Variants in RYR2 observed in about 807,000 individuals in gnomAD.
The protein encoded by RYR2 is cardiac muscle ryanodine receptor-calcium release channel.
Under a neutral mutation model 601.1 loss-of-function variants are expected in RYR2, and 227 were observed. That is an observed-to-expected ratio of 0.38 (90% CI 0.34 to 0.42). RYR2 has a LOEUF of 0.42. Among genes scored for constraint, RYR2 ranks in the 10% least tolerant of loss-of-function variants. The pLI is 1.00. For missense variants in RYR2, 4,646 were observed against 6,156.5 expected, an observed-to-expected ratio of 0.75 and a Z score of 8.21; for synonymous variants, 2,223 against 2,175.1, an observed-to-expected ratio of 1.02 and a Z score of -0.61.
chr1:237,677,429 G>A (rs1446816954), intron 60 of RYR2, among the ~76,000 whole-genome samples: 1 of 152,088 alleles, frequency 6.6e-6, no homozygotes, highest in Non-Finnish European at 1.5e-5. Flanking sequence ...GGAAAACTTG[G>A]GTGTTTTTGC....
At chr1:237,824,741 C>T (rs1032358697) in intron 101 of RYR2, among the ~76,000 whole-genome samples, 1 of 151,912 alleles carries the variant, frequency 6.6e-6, no homozygotes, top group African/African-American at 2.4e-5. Flanking sequence ...GTCGAATTGT[C>T]TGCAGATGAC....
intron 12 of RYR2, 35 bp downstream of exon 12, chr1:237,423,283 G>A: frequency 6.3e-7 from 1 of 1,596,932 alleles, no homozygotes; most frequent in Non-Finnish European, 8.5e-7. Context: ...TCCTATAAAT[G>A]TTACCCGGTC....
chr1:237,590,377 T>C (rs922293385), intron 30 of RYR2, among the ~76,000 whole-genome samples: 25 of 152,134 alleles, frequency 1.6e-4, no homozygotes, highest in African/African-American at 5.6e-4. Flanking sequence ...AAAAATACTT[T>C]CCTTTTTATG....
chr1:237,608,606 G>C (rs1573088039), intron 35 of RYR2, among the ~76,000 whole-genome samples: 3 of 152,094 alleles, frequency 2.0e-5, no homozygotes, highest in Admixed American at 2.0e-4. Flanking sequence ...AGAGGCTGAG[G>C]TGGGAGGATC....
intron 11 of RYR2, among the ~76,000 whole-genome samples, chr1:237,420,429 C>T (rs1377070210): frequency 2.0e-5 from 3 of 152,156 alleles, no homozygotes; most frequent in Non-Finnish European, 4.4e-5. Context: ...ACGTAGGGCA[C>T]AGTTTTTTGA....
intron 58 of RYR2, among the ~76,000 whole-genome samples, chr1:237,670,025 G>A (rs1278466922): frequency 1.3e-5 from 2 of 152,090 alleles, no homozygotes; most frequent in Admixed American, 6.5e-5. Flanking sequence ...ACGAGACTCC[G>A]TCTGCAATCC....
intron 47 of RYR2, among the ~76,000 whole-genome samples, chr1:237,641,417 G>T (rs555691912): frequency 6.6e-6 from 1 of 152,120 alleles, no homozygotes; most frequent in Non-Finnish European, 1.5e-5. Context: ...GAGAGGGAAG[G>T]TATAGGGGGT....
In RYR2 at chr1:237,225,455, C is replaced by T. The variant is rs116131795; in HGVS notation, c.49-45042C>T. 3.4e-3 allele frequency among the ~76,000 whole-genome samples: 511 copies of T among 152,214 alleles called. 3 individuals are homozygous for T. Among genetic ancestry groups the T allele is most frequent in the African/African-American group, 8.8e-3 (367 of 41,526 alleles). On this transcript the variant is annotated intron_variant, in intron 1 of 104. Coordinates refer to ENST00000366574, the MANE Select transcript of RYR2 (RefSeq NM_001035.3). Reference sequence around the variant, plus strand: ...AATGAGGGTGAAGTGAAAGGGATTTCGCCTTATAAAACCTTCAGATCTTGT... The same window carrying T: ...AATGAGGGTGAAGTGAAAGGGATTTTGCCTTATAAAACCTTCAGATCTTGT...
chr1:237,583,624 T>A (rs1425434592), intron 29 of RYR2, among the ~76,000 whole-genome samples: 1 of 152,224 alleles, frequency 6.6e-6, no homozygotes, highest in Non-Finnish European at 1.5e-5. Flanking sequence ...CATTTTTATC[T>A]GCTTTTTGGC....
At chr1:237,194,374 T>A (rs141917966) in intron 1 of RYR2, among the ~76,000 whole-genome samples, 24 of 152,326 alleles carry the variant, frequency 1.6e-4, no homozygotes, top group African/African-American at 5.3e-4. Flanking sequence ...CACCGTACTA[T>A]ACATGAGTGA....
intron 1 of RYR2, among the ~76,000 whole-genome samples, chr1:237,068,074 G>T (rs1426142748): frequency 1.6e-5 from 2 of 123,044 alleles, no homozygotes; most frequent in Admixed American, 9.3e-5. Context: ...CCTATTTTTA[G>T]ACTCTTTCAC....
At chr1:237,151,412 T>G (rs1052188346) in intron 1 of RYR2, among the ~76,000 whole-genome samples, 1 of 152,208 alleles carries the variant, frequency 6.6e-6, no homozygotes, top group African/African-American at 2.4e-5. Flanking sequence ...AAGACACCCC[T>G]CAACATGTTC....
intron 7 of RYR2, among the ~76,000 whole-genome samples, chr1:237,375,610 G>A (rs900972522): frequency 3.9e-5 from 6 of 152,040 alleles, no homozygotes; most frequent in African/African-American, 1.4e-4. Flanking sequence ...ACAAAGCTAT[G>A]TTTACCAGCC....
intron 99 of RYR2, among the ~76,000 whole-genome samples, chr1:237,806,896 C>T (rs1258484425): frequency 6.6e-6 from 1 of 152,152 alleles, no homozygotes; most frequent in Non-Finnish European, 1.5e-5. Flanking sequence ...TTCCCATTAT[C>T]CTGAAGCATA....
chr1:237,406,185 C>CTCCTT (rs1703864637), intron 10 of RYR2, among the ~76,000 whole-genome samples: 2 of 69,100 alleles, frequency 2.9e-5, no homozygotes, highest in African/African-American at 7.6e-5. Flanking sequence ...CTCCCCTCCC[C>CTCCTT]TCCCCTTCCC....
chr1:237,205,269 T>A (rs899394358), intron 1 of RYR2, among the ~76,000 whole-genome samples: 1 of 152,014 alleles, frequency 6.6e-6, no homozygotes, highest in African/African-American at 2.4e-5. Flanking sequence ...GGGTTCCGAG[T>A]GCTGAGTTGT....
chr1:237,341,523 C>T lies in RYR2; in HGVS notation c.273+10541C>T, dbSNP rs547350772. ...ACACCTTCTGAAGACTATGTATTCGCGGTCTGTTTATTGCCTTCCTATCCC... is the reference window on the plus strand; with the variant it reads ...ACACCTTCTGAAGACTATGTATTCGTGGTCTGTTTATTGCCTTCCTATCCC... On this transcript the variant is annotated intron_variant, in intron 3 of 104. Coordinates refer to ENST00000366574, the MANE Select transcript of RYR2 (RefSeq NM_001035.3). 1.3e-4 allele frequency: 52 copies of T among 394,794 alleles called. 1 individual carries two copies. The highest frequency in any genetic ancestry group is 7.0e-4 in the South Asian group (38 of 54,670). 24.5% of individuals were successfully genotyped at this position (394,794 alleles called of 1,614,324 possible).
chr1:237,157,735 GT>G (rs1260312011), intron 1 of RYR2, among the ~76,000 whole-genome samples: 1 of 152,172 alleles, frequency 6.6e-6, no homozygotes, highest in Non-Finnish European at 1.5e-5. Flanking sequence ...GAATGGAAGC[GT>G]AGTGGGAAGG....
In RYR2 at chr1:237,625,821, TGCACTG is replaced by T; in HGVS notation, c.6166+21_6166+26del. 1 of 1,610,694 alleles carries T rather than the reference TGCACTG, an allele frequency of 6.2e-7. No individual in the cohort carries two copies. The highest frequency in any genetic ancestry group is 1.7e-4 in the Middle Eastern group (1 of 6,052). On this transcript the variant is annotated intron_variant, in intron 40 of 104. Coordinates refer to ENST00000366574, the MANE Select transcript of RYR2 (RefSeq NM_001035.3). Reference sequence around the variant, plus strand: ...AAAAGTCCTGTAAGCAGTATGAGAGTGCACTGGCAGAATGACCCAACTGCTGACACT... The same window carrying T: ...AAAAGTCCTGTAAGCAGTATGAGAGTGCAGAATGACCCAACTGCTGACACT...
Sources: allele counts gnomAD v4.1 joint callset (sites outside exome capture counted in the v4.1 genomes callset), GRCh38; gene constraint gnomAD v4.1.1; transcripts MANE v1.5; gene names NCBI Gene and HGNC (gene_info 2026-07-23, HGNC 2026-07-21).